The following LHFPL6 variants were observed in gnomAD, a reference collection of about 807,000 sequenced individuals.
LHFPL6 encodes the protein LHFPL tetraspan subfamily member 6.
LHFPL6 carries 9 observed loss-of-function variants against 20.6 expected under a neutral mutation model. The observed-to-expected ratio is 0.44, with a 90% CI of 0.26 to 0.76. LHFPL6 has a LOEUF of 0.76. LHFPL6 is among the 30% of genes least tolerant of loss of function. LHFPL6 has a pLI of 0.20. For synonymous variants in LHFPL6, 105 were observed against 98.7 expected, an observed-to-expected ratio of 1.06 and a Z score of -0.38; for missense variants, 218 against 253.5, an observed-to-expected ratio of 0.86 and a Z score of 0.95.
intron 2 of LHFPL6, among the ~76,000 whole-genome samples, chr13:39,405,270 A>AC (rs1342180986): frequency 6.6e-6 from 1 of 152,168 alleles, no homozygotes; most frequent in Non-Finnish European, 1.5e-5. Context: ...GAATTTCATT[A>AC]CCCAGCAAGT....
chr13:39,527,831 C>A (rs528527714), intron 2 of LHFPL6, among the ~76,000 whole-genome samples: 1 of 152,204 alleles, frequency 6.6e-6, no homozygotes, highest in Admixed American at 6.5e-5. Context: ...TCTGCATATG[C>A]CAGGGATTTA....
intron 2 of LHFPL6, among the ~76,000 whole-genome samples, chr13:39,580,134 A>T (rs1593372409): frequency 6.6e-6 from 1 of 152,226 alleles, no homozygotes. Context: ...TAAAAATACA[A>T]ATTTATGAAC....
chr13:39,391,784 T>G (rs1870714334), intron 2 of LHFPL6, among the ~76,000 whole-genome samples: 1 of 152,028 alleles, frequency 6.6e-6, no homozygotes, highest in African/African-American at 2.4e-5. Context: ...TTTAAAAATA[T>G]TTTCCCCTTC....
rs184533310 is a variant in LHFPL6 at position 39,435,012 on chromosome 13, C to T, written c.386-56486G>A. ...TGGAGCTTGCAGTGAGCCGAGATTG[C>T]GCCACTGCAGTCCGCAGTCCGACCT... On this transcript the variant is annotated intron_variant, in intron 2 of 3. Transcript: ENST00000379589. Among the ~76,000 whole-genome samples, 323 of 144,812 alleles carry T rather than the reference C, an allele frequency of 2.2e-3. 4 individuals carry two copies. The highest frequency in any genetic ancestry group is 7.8e-3 in the African/African-American group (305 of 39,198).
intron 2 of LHFPL6, among the ~76,000 whole-genome samples, chr13:39,437,696 G>A (rs938582439): frequency 6.6e-6 from 1 of 152,118 alleles, no homozygotes; most frequent in African/African-American, 2.4e-5. Flanking sequence ...GAGGTCAGGA[G>A]ATCAAACCAT....
intron 2 of LHFPL6, among the ~76,000 whole-genome samples, chr13:39,407,656 T>G (rs535700055): frequency 6.6e-6 from 1 of 152,244 alleles, no homozygotes; most frequent in Non-Finnish European, 1.5e-5. Context: ...TAATGAACTA[T>G]GAAAGTGATG....
rs147681336 is a variant in LHFPL6, at chr13:39,444,282, G to A, written c.386-65756C>T. On this transcript the variant is annotated intron_variant, in intron 2 of 3. Coordinates refer to ENST00000379589, the MANE Select transcript of LHFPL6 (RefSeq NM_005780.3). ...TAAAAATGGAATTTATAATTAAAAC[G>A]AAAGCAGAATGGAAAGATTTGGAAA... Among the ~76,000 whole-genome samples, 173 of 152,310 alleles carry A rather than the reference G, an allele frequency of 1.1e-3. 1 individual carries two copies. Among genetic ancestry groups the A allele is most frequent in the African/African-American group, 3.9e-3 (163 of 41,568 alleles).
chr13:39,591,789 G>A (rs1872598576), intron 2 of LHFPL6, among the ~76,000 whole-genome samples: 1 of 152,102 alleles, frequency 6.6e-6, no homozygotes, highest in African/African-American at 2.4e-5. Flanking sequence ...AAGCCTACTA[G>A]AAAGCTAAAA....
intron 2 of LHFPL6, among the ~76,000 whole-genome samples, chr13:39,459,773 T>C (rs1200553938): frequency 4.6e-5 from 7 of 152,178 alleles, no homozygotes; most frequent in Non-Finnish European, 1.0e-4. Flanking sequence ...AACATGATCA[T>C]GTGAACTTAG....
chr13:39,477,780 C>A lies in LHFPL6; in HGVS notation c.386-99254G>T, dbSNP rs368529744. On this transcript the variant is annotated intron_variant, in intron 2 of 3. Coordinates refer to ENST00000379589, the MANE Select transcript of LHFPL6 (RefSeq NM_005780.3). ...TAACTTTTGGGAGAATAAAATACCACATAAATTTTTGGTTCTAGTTTTAGC... is the reference window on the plus strand; with the variant it reads ...TAACTTTTGGGAGAATAAAATACCAAATAAATTTTTGGTTCTAGTTTTAGC... Among the ~76,000 whole-genome samples, 19 of 152,300 alleles carry A rather than the reference C, an allele frequency of 1.2e-4. No homozygotes were observed. In the East Asian group the frequency reaches 1.9e-3, roughly 15 times the overall value.
intron 2 of LHFPL6, among the ~76,000 whole-genome samples, chr13:39,400,975 A>G (rs1253765320): frequency 6.6e-6 from 1 of 152,170 alleles, no homozygotes; most frequent in Non-Finnish European, 1.5e-5. Flanking sequence ...AAGAAGTATT[A>G]TAGAAAATTA....
intron 2 of LHFPL6, among the ~76,000 whole-genome samples, chr13:39,593,226 T>C (rs1331862566): frequency 2.0e-5 from 3 of 152,206 alleles, no homozygotes; most frequent in Admixed American, 1.3e-4. Context: ...GAAAAGCCCA[T>C]TGTCTCAGCC....
intron 2 of LHFPL6, among the ~76,000 whole-genome samples, chr13:39,556,226 C>T (rs1452728624): frequency 6.6e-6 from 1 of 152,092 alleles, no homozygotes; most frequent in East Asian, 1.9e-4. Context: ...AAAATTGGCA[C>T]TAAGGAGTGG....
At chr13:39,559,495 C>T (rs1796293461) in intron 2 of LHFPL6, among the ~76,000 whole-genome samples, 2 of 152,152 alleles carry the variant, frequency 1.3e-5, no homozygotes, top group Admixed American at 6.5e-5. Flanking sequence ...AGAGTGATGA[C>T]GCGGAGCTCC....
intron 2 of LHFPL6, among the ~76,000 whole-genome samples, chr13:39,412,503 G>A (rs1871257249): frequency 6.6e-6 from 1 of 152,174 alleles, no homozygotes; most frequent in Admixed American, 6.5e-5. Context: ...AACTAACTAT[G>A]TTTTGGGAAC....
chr13:39,557,825 C>T (rs765279057), intron 2 of LHFPL6, among the ~76,000 whole-genome samples: 2 of 152,208 alleles, frequency 1.3e-5, no homozygotes, highest in Non-Finnish European at 1.5e-5. Context: ...CCCTCATGAA[C>T]GGCTCAGCCC....
At position 39,343,741 on chromosome 13, in the gene LHFPL6, C is replaced by G. The variant is rs1869314676; in HGVS notation, c.*195G>C. 4 of 552,028 alleles carry G rather than the reference C, an allele frequency of 7.2e-6. No individual in the cohort carries two copies. The highest frequency in any genetic ancestry group is 1.9e-5 in the African/African-American group (1 of 53,534). 34.2% of individuals were successfully genotyped at this position (552,028 alleles called of 1,614,324 possible). Reference sequence around the variant, plus strand: ...CCATTTTTCTCCATCATTCTATACTCTCCTTTTTTTTCCCCCACAAATCTC... The same window carrying G: ...CCATTTTTCTCCATCATTCTATACTGTCCTTTTTTTTCCCCCACAAATCTC... On this transcript the variant is annotated 3_prime_UTR_variant, in exon 4 of 4. Coordinates refer to ENST00000379589, the MANE Select transcript of LHFPL6 (RefSeq NM_005780.3).
intron 2 of LHFPL6, among the ~76,000 whole-genome samples, chr13:39,538,936 T>C (rs1870709771): frequency 6.6e-6 from 1 of 151,974 alleles, no homozygotes; most frequent in African/African-American, 2.4e-5. Context: ...AGGGTAAGAG[T>C]AAATATTTTA....
chr13:39,351,323 A>G (rs1869563309), intron 3 of LHFPL6, among the ~76,000 whole-genome samples: 1 of 152,176 alleles, frequency 6.6e-6, no homozygotes. Flanking sequence ...ACTTTCCAAC[A>G]TTATTCTCAC....
Sources: gnomAD v4.1 joint callset for allele counts (sites outside exome capture counted in the v4.1 genomes callset) on GRCh38, gnomAD v4.1.1 for gene constraint, MANE v1.5 for transcripts, NCBI Gene and HGNC (gene_info 2026-07-23, HGNC 2026-07-21) for gene names.